Variants in CNTN4 observed in about 807,000 individuals in gnomAD.
The protein encoded by CNTN4 is contactin 4, also known as contactin-4.
In CNTN4, 77 loss-of-function variants were observed where a neutral mutation model predicts 122.5. The ratio of observed to expected loss-of-function variants is 0.63; its 90% CI spans 0.52 to 0.76. The LOEUF is 0.76. Ranked by LOEUF, CNTN4 falls within the 30% of genes least tolerant of loss-of-function variation. The pLI is 0.00. For missense variants in CNTN4, 1,256 were observed against 1,259.1 expected, an observed-to-expected ratio of 1.00 and a Z score of 0.04; for synonymous variants, 512 against 447.0, an observed-to-expected ratio of 1.15 and a Z score of -1.83.
chr3:2,698,912 A>G (rs2086198209), intron 4 of CNTN4, among the ~76,000 whole-genome samples: 1 of 152,114 alleles, frequency 6.6e-6, no homozygotes, highest in African/African-American at 2.4e-5. Context: ...AATCCCAGCT[A>G]CTTGGGAGGC....
intron 2 of CNTN4, among the ~76,000 whole-genome samples, chr3:2,137,499 G>T (rs2034752457): frequency 6.6e-6 from 1 of 152,006 alleles, no homozygotes; most frequent in African/African-American, 2.4e-5. Context: ...TTTGGGGGTG[G>T]GGGGATTAGA....
chr3:2,511,256 C>G (rs1425001753), intron 3 of CNTN4: 1 of 152,214 alleles, frequency 6.6e-6, no homozygotes, highest in Non-Finnish European at 1.5e-5. Context: ...ATCTCCATCC[C>G]TCCCCCGAAA....
chr3:2,255,804 A>G lies in CNTN4; in HGVS notation c.-144-83374A>G, dbSNP rs559029974. On this transcript the variant is annotated intron_variant, in intron 2 of 24. Transcript: ENST00000418658. ...CATTTAAAGCAATGTTTAGAGGGAA[A>G]TCTATAGCACTAAGTGCCTGCAAGA... Among the ~76,000 whole-genome samples the G allele has an allele frequency of 4.0e-4, 61 of 152,334 alleles. 1 individual carries two copies. The highest frequency in any genetic ancestry group is 1.0e-3 in the South Asian group (5 of 4,830).
At chr3:2,925,010 G>A (rs1342074152) in intron 12 of CNTN4, among the ~76,000 whole-genome samples, 1 of 151,954 alleles carries the variant, frequency 6.6e-6, no homozygotes, top group Admixed American at 6.6e-5. Context: ...ATTTTAAAAT[G>A]TTTGTTCACT....
chr3:2,321,555 C>T (rs2043277095), intron 2 of CNTN4, among the ~76,000 whole-genome samples: 1 of 151,920 alleles, frequency 6.6e-6, no homozygotes, highest in African/African-American at 2.4e-5. Context: ...CACTTTCAAT[C>T]ACTTGGGTTT....
At chr3:2,337,761 G>A (rs1450656841) in intron 2 of CNTN4, among the ~76,000 whole-genome samples, 1 of 151,874 alleles carries the variant, frequency 6.6e-6, no homozygotes, top group Admixed American at 6.6e-5. Context: ...CTGTGAAGAA[G>A]AAAAAATATA....
intron 6 of CNTN4, among the ~76,000 whole-genome samples, chr3:2,797,635 G>A (rs2092229957): frequency 6.6e-6 from 1 of 152,136 alleles, no homozygotes; most frequent in Non-Finnish European, 1.5e-5. Flanking sequence ...ACTCCAAAGA[G>A]TTCAGTGCCC....
rs1235075980 is a variant in CNTN4 at position 3,043,144 on chromosome 3, T to C, written c.2679T>C (p.Asn893=). ...AGTGPSSATV[N]VTTRKPPPSQ... ...CAGGCCCCTCTAGTGCAACAGTCAATGTGACAACCCGAAAGCCACGTAAGA... is the reference window on the plus strand; with the variant it reads ...CAGGCCCCTCTAGTGCAACAGTCAACGTGACAACCCGAAAGCCACGTAAGA... The change falls in exon 22 of 25, where the codon AAT becomes AAC. Residue 893 remains asparagine (N), a synonymous_variant. Coordinates refer to ENST00000418658, the MANE Select transcript of CNTN4 (RefSeq NM_175607.3). 1.2e-6 allele frequency: 2 copies of C among 1,614,152 alleles called. No homozygotes were observed. Among genetic ancestry groups the C allele is most frequent in the Non-Finnish European group, 1.7e-6 (2 of 1,180,024 alleles).
At chr3:2,179,720 A>G (rs1235631227) in intron 2 of CNTN4, among the ~76,000 whole-genome samples, 1 of 151,910 alleles carries the variant, frequency 6.6e-6, no homozygotes, top group East Asian at 1.9e-4. Context: ...TAATTCCAAA[A>G]GCACCTACCA....
At chr3:2,355,088 C>G (rs1575446198) in intron 3 of CNTN4, among the ~76,000 whole-genome samples, 2 of 152,274 alleles carry the variant, frequency 1.3e-5, no homozygotes, top group East Asian at 1.9e-4. Context: ...GTGAATGCCC[C>G]CAAGCTAGCA....
intron 2 of CNTN4, among the ~76,000 whole-genome samples, chr3:2,190,805 TGC>T (rs2037495291): frequency 1.1e-5 from 1 of 94,532 alleles, no homozygotes; most frequent in South Asian, 4.8e-4. Context: ...GAGGACTTTA[TGC>T]ACACACACAC....
At chr3:2,264,928 G>C (rs2040981281) in intron 2 of CNTN4, among the ~76,000 whole-genome samples, 1 of 151,982 alleles carries the variant, frequency 6.6e-6, no homozygotes, top group Non-Finnish European at 1.5e-5. Context: ...AAGTTCTTTA[G>C]TGTTGATTTC....
intron 3 of CNTN4, among the ~76,000 whole-genome samples, chr3:2,344,470 G>C (rs1017199042): frequency 3.9e-5 from 6 of 151,952 alleles, no homozygotes; most frequent in African/African-American, 1.5e-4. Flanking sequence ...AGTAGAGATG[G>C]GGTTTCACTA....
chr3:2,523,873 C>G (rs1466789575), intron 3 of CNTN4, among the ~76,000 whole-genome samples: 1 of 151,916 alleles, frequency 6.6e-6, no homozygotes, highest in Non-Finnish European at 1.5e-5. Context: ...AAAAAAACTA[C>G]CCATCATTTG....
chr3:2,511,220 A>C (rs1449521134), intron 3 of CNTN4: 2 of 152,224 alleles, frequency 1.3e-5, no homozygotes, highest in Non-Finnish European at 2.9e-5. Flanking sequence ...GAATTACATA[A>C]ATTGCCCATT....
chr3:2,268,716 TTGGAGAATCAAAATTTTTTATAACA>T (rs987014806), intron 2 of CNTN4, among the ~76,000 whole-genome samples: 3 of 152,140 alleles, frequency 2.0e-5, no homozygotes, highest in African/African-American at 7.2e-5. Context: ...AGAAGCACTC[TTGGAGAATCAAAATTTTTTATAACA>T]TGGTATGCAA....
At chr3:2,123,276 G>T (rs959328672) in intron 2 of CNTN4, among the ~76,000 whole-genome samples, 2 of 152,186 alleles carry the variant, frequency 1.3e-5, no homozygotes, top group Non-Finnish European at 2.9e-5. Context: ...AAACGGCTGA[G>T]TGCATTTCTC....
intron 2 of CNTN4, among the ~76,000 whole-genome samples, chr3:2,304,095 G>C (rs1246112961): frequency 6.6e-6 from 1 of 152,110 alleles, no homozygotes; most frequent in Non-Finnish European, 1.5e-5. Flanking sequence ...TGGGTTATTC[G>C]AAGTAGTAGT....
At chr3:2,719,953 A>G (rs931629994) in intron 4 of CNTN4, among the ~76,000 whole-genome samples, 1 of 152,140 alleles carries the variant, frequency 6.6e-6, no homozygotes, top group Non-Finnish European at 1.5e-5. Flanking sequence ...TCATTAACTC[A>G]TTCATTAAGG....
Sources: gnomAD v4.1 joint callset for allele counts (sites outside exome capture counted in the v4.1 genomes callset) on GRCh38, gnomAD v4.1.1 for gene constraint, MANE v1.5 for transcripts, NCBI Gene and HGNC (gene_info 2026-07-23, HGNC 2026-07-21) for gene names.